CFAP20DC: variants seen among roughly 807,000 people sequenced by gnomAD.
CFAP20DC encodes the protein protein CFAP20DC.
A neutral mutation model predicts 101.7 loss-of-function variants in CFAP20DC; 84 were observed. The observed-to-expected ratio is 0.83, with a 90% CI of 0.69 to 0.99. The LOEUF (loss-of-function observed/expected upper bound fraction) is 0.99, where lower values mean the gene tolerates loss of function less well. CFAP20DC is among the 50% of genes least tolerant of loss of function. The pLI is 0.00. For missense variants in CFAP20DC, 1,007 were observed against 970.3 expected (o/e 1.04, Z -0.50); for synonymous variants, 359 against 351.2 (o/e 1.02, Z -0.25).
chr3:58,911,776 C>T (rs1310835995), intron 6 of CFAP20DC, among the ~76,000 whole-genome samples: 1 of 152,018 alleles, frequency 6.6e-6, no homozygotes, highest in African/African-American at 2.4e-5. Flanking sequence ...GCCTGATGCA[C>T]CCATGTTCAA....
chr3:58,990,754 G>GGTGTGTGTGT (rs71091398), intron 4 of CFAP20DC, among the ~76,000 whole-genome samples: 4,216 of 143,982 alleles, frequency 0.029, 223 homozygotes, highest in African/African-American at 0.1. Context: ...ATGCTCAGCT[G>GGTGTGTGTGT]GTGTGTGTGT....
At chr3:58,994,983 A>G (rs556838017) in intron 4 of CFAP20DC, among the ~76,000 whole-genome samples, 2 of 152,288 alleles carry the variant, frequency 1.3e-5, no homozygotes, top group South Asian at 4.1e-4. Flanking sequence ...ACAAGTCTGA[A>G]AAAATAATCC....
intron 4 of CFAP20DC, among the ~76,000 whole-genome samples, chr3:59,011,078 T>C (rs2093570558): frequency 6.6e-6 from 1 of 152,144 alleles, no homozygotes; most frequent in Non-Finnish European, 1.5e-5. Flanking sequence ...AGAGAAAAGT[T>C]CGCAGCATTA....
intron 15 of CFAP20DC, among the ~76,000 whole-genome samples, chr3:58,801,185 G>A (rs186976097): frequency 1.2e-3 from 176 of 152,172 alleles, no homozygotes; most frequent in African/African-American, 4.1e-3. Context: ...GGAGCATCAG[G>A]GCCCTCAAAA....
intron 15 of CFAP20DC, among the ~76,000 whole-genome samples, chr3:58,792,275 G>A (rs149359939): frequency 0.017 from 2,517 of 152,144 alleles, 58 homozygotes; most frequent in African/African-American, 0.056. Context: ...TGCCAAAGTA[G>A]TATATTTATT....
In CFAP20DC at chr3:58,742,186, A is replaced by C. The variant is rs1192698229; in HGVS notation, c.*274T>G. 1 of 961,198 alleles carries C rather than the reference A, an allele frequency of 1.0e-6. No homozygotes were observed. Among genetic ancestry groups the C allele is most frequent in the East Asian group, 8.3e-5 (1 of 12,078 alleles). 59.5% of individuals were successfully genotyped at this position (961,198 alleles called of 1,614,324 possible). On this transcript the variant is annotated 3_prime_UTR_variant, in exon 17 of 17. Transcript: ENST00000482387. The stretch of plus-strand genomic sequence containing the variant: ...TACATAAAATTATCTGAAATAAACA[A>C]AATTATATGTAGAATGAGAACAAAC...
intron 12 of CFAP20DC, among the ~76,000 whole-genome samples, chr3:58,858,214 A>G (rs982870598): frequency 1.3e-5 from 2 of 152,168 alleles, no homozygotes; most frequent in African/African-American, 2.4e-5. Context: ...TAAAGTCCCA[A>G]ATCTCTTGAA....
At chr3:58,743,085 C>T (rs1309511202) in intron 16 of CFAP20DC, among the ~76,000 whole-genome samples, 3 of 151,940 alleles carry the variant, frequency 2.0e-5, no homozygotes, top group Non-Finnish European at 4.4e-5. Flanking sequence ...AGACAACATA[C>T]ACAGAAAAAA....
chr3:58,911,564 T>C (rs2084158471), intron 6 of CFAP20DC, among the ~76,000 whole-genome samples: 3 of 152,156 alleles, frequency 2.0e-5, no homozygotes, highest in Admixed American at 2.0e-4. Flanking sequence ...AGTTGTACAC[T>C]TATGATTTCT....
chr3:58,730,837 G>T (rs1184931790), intron 3 of CFAP20DC, among the ~76,000 whole-genome samples: 2 of 152,044 alleles, frequency 1.3e-5, no homozygotes, highest in Admixed American at 6.5e-5. Flanking sequence ...GTGTGGTTCA[G>T]TGATAACACA....
At position 58,913,413 on chromosome 3, in the gene CFAP20DC, AC is replaced by A. The variant is rs551496349; in HGVS notation, c.550+294del. Among the ~76,000 whole-genome samples the A allele has an allele frequency of 2.1e-3, 313 of 152,202 alleles. 2 individuals are homozygous for A. The highest frequency in any genetic ancestry group is 7.4e-3 in the African/African-American group (306 of 41,548). On this transcript the variant is annotated intron_variant, in intron 6 of 16. Coordinates refer to ENST00000482387, the MANE Select transcript of CFAP20DC (RefSeq NM_001394063.1). This position sits in a 1 kb window ranked among gnomAD's most constrained non-coding sequence, Gnocchi z 4.4. The stretch of plus-strand genomic sequence containing the variant: ...AATAAATTCCTGTTCTTTTTCAACC[AC>A]CTAAAGAGGATTATGTTGTTTGTAA...
intron 15 of CFAP20DC, among the ~76,000 whole-genome samples, chr3:58,802,005 T>G (rs2073747668): frequency 6.6e-6 from 1 of 152,240 alleles, no homozygotes; most frequent in Non-Finnish European, 1.5e-5. Context: ...AGCCTTTGAC[T>G]ACATTCCTTC....
intron 3 of CFAP20DC, chr3:58,734,684 G>A: frequency 2.4e-6 from 1 of 423,070 alleles, no homozygotes; most frequent in Non-Finnish European, 4.7e-6. Flanking sequence ...CTTGGTGATT[G>A]CCTTCCTGTC....
chr3:58,865,687 T>A (rs1245676778), intron 11 of CFAP20DC, among the ~76,000 whole-genome samples: 1 of 152,214 alleles, frequency 6.6e-6, no homozygotes, highest in Non-Finnish European at 1.5e-5. Flanking sequence ...CTGAGAAATG[T>A]TACAAAAGTC....
At chr3:58,935,327 T>A (rs1274331877) in intron 5 of CFAP20DC, among the ~76,000 whole-genome samples, 3 of 151,984 alleles carry the variant, frequency 2.0e-5, no homozygotes, top group African/African-American at 4.8e-5. Flanking sequence ...AGAATCAATA[T>A]TGTGAAAATG....
chr3:58,932,991 G>C (rs775883357), intron 5 of CFAP20DC, among the ~76,000 whole-genome samples: 4 of 152,142 alleles, frequency 2.6e-5, no homozygotes, highest in Non-Finnish European at 5.9e-5. Context: ...ATTGGATAGA[G>C]ACAAGACCCA....
At chr3:58,747,746 G>A (rs1575539507) in intron 16 of CFAP20DC, among the ~76,000 whole-genome samples, 1 of 152,246 alleles carries the variant, frequency 6.6e-6, no homozygotes, top group East Asian at 1.9e-4. Context: ...AGTACTGGGT[G>A]CTTGCAAACT....
chr3:58,919,919 T>C (rs190111125), intron 5 of CFAP20DC, among the ~76,000 whole-genome samples: 1 of 152,230 alleles, frequency 6.6e-6, no homozygotes, highest in Admixed American at 6.5e-5. Flanking sequence ...TTCCTTAGAA[T>C]TGTTTACATA....
At chr3:58,785,239 T>C (rs1248866377) in intron 15 of CFAP20DC, among the ~76,000 whole-genome samples, 6 of 151,992 alleles carry the variant, frequency 3.9e-5, no homozygotes, top group Non-Finnish European at 8.8e-5. Context: ...GTGGATCTCA[T>C]GGAGGTAGAG....
Sources: allele counts gnomAD v4.1 joint callset (sites outside exome capture counted in the v4.1 genomes callset), GRCh38; gene constraint gnomAD v4.1.1; non-coding constraint Gnocchi (gnomAD v3.1); transcripts MANE v1.5; gene names NCBI Gene and HGNC (gene_info 2026-07-23, HGNC 2026-07-21).